The following FXN variants were observed in gnomAD, a reference collection of about 807,000 sequenced individuals.
FXN encodes frataxin, also known as frataxin, mitochondrial.
A neutral mutation model predicts 22.4 loss-of-function variants in FXN; 14 were observed. The observed-to-expected ratio is 0.62, with a 90% CI of 0.41 to 0.98. FXN has a LOEUF of 0.98. Ranked by LOEUF, FXN falls within the 50% of genes least tolerant of loss-of-function variation. FXN has a pLI of 0.00. For synonymous variants in FXN, 120 were observed against 114.1 expected (o/e 1.05, Z -0.33); for missense variants, 267 against 268.4 (o/e 0.99, Z 0.04).
intron 2 of FXN, among the ~76,000 whole-genome samples, chr9:69,047,695 A>G (rs2133104062): frequency 6.6e-6 from 1 of 152,044 alleles, no homozygotes; most frequent in Non-Finnish European, 1.5e-5. Context: ...CAGCTATTTT[A>G]GGCCAGACTC....
At chr9:69,062,497 CA>C (rs1045361847) in intron 3 of FXN, among the ~76,000 whole-genome samples, 3 of 152,082 alleles carry the variant, frequency 2.0e-5, no homozygotes, top group African/African-American at 7.2e-5. Context: ...TTTTTTTAAA[CA>C]AACTTACGTA....
Position 69,035,842 on chromosome 9 carries a change from G to C in FXN, c.60G>C (p.Gln20His). 1 of 1,507,264 alleles carries C rather than the reference G, an allele frequency of 6.6e-7. No homozygotes were observed. 93.4% of individuals were successfully genotyped at this position (1,507,264 alleles called of 1,614,324 possible). A position where few individuals can be genotyped will look rare whatever the true frequency, so the allele number is the denominator to read the frequency against. Reference protein sequence around the residue: ...AGLLASPSPAQAQTLTRVPRP... With the variant: ...AGLLASPSPAHAQTLTRVPRP... ...TCCTGGCGTCACCCAGCCCAGCCCAGGCCCAGACCCTCACCCGGGTCCCGC... is the reference window on the plus strand; with the variant it reads ...TCCTGGCGTCACCCAGCCCAGCCCACGCCCAGACCCTCACCCGGGTCCCGC... Residue 20 changes from glutamine (Q) to histidine (H), a missense_variant, in exon 1 of 5, where the codon CAG becomes CAC. Physicochemically the swap from Gln to His is conservative, Grantham distance 24. Coordinates refer to ENST00000484259, the MANE Select transcript of FXN (RefSeq NM_000144.5).
In FXN at chr9:69,074,351, T is replaced by C. The variant is rs1439515303; in HGVS notation, c.*1589T>C. On this transcript the variant is annotated 3_prime_UTR_variant, in exon 5 of 5. Coordinates refer to ENST00000484259, the MANE Select transcript of FXN (RefSeq NM_000144.5). Reference sequence around the variant, plus strand: ...AATTCATGCAAAGTTATGCTCATGTTATATTATTTTCTTACTTAAAGAAGG... The same window carrying C: ...AATTCATGCAAAGTTATGCTCATGTCATATTATTTTCTTACTTAAAGAAGG... 2.0e-5 allele frequency: 20 copies of C among 985,328 alleles called. No individual in the cohort carries two copies. The highest frequency in any genetic ancestry group is 2.4e-5 in the Non-Finnish European group (20 of 829,902). The allele number at this position is 985,328 out of a possible 1,614,324, so 61.0% of individuals were successfully genotyped here. A position where few individuals can be genotyped will look rare whatever the true frequency, so the allele number is the denominator to read the frequency against.
chr9:69,075,652 G>A lies in FXN; in HGVS notation c.*2890G>A. The stretch of plus-strand genomic sequence containing the variant: ...CATCCATGTGAAGGATGAGTTTCCA[G>A]GAAAAGGTTATTAAATATTCACTGT... On this transcript the variant is annotated 3_prime_UTR_variant, in exon 5 of 5. Transcript: ENST00000484259. 1.0e-6 allele frequency: 1 copy of A among 985,308 alleles called. No individual in the cohort carries two copies. Among genetic ancestry groups the A allele is most frequent in the Non-Finnish European group, 1.2e-6 (1 of 829,882 alleles). 61.0% of individuals were successfully genotyped at this position (985,308 alleles called of 1,614,324 possible).
chr9:69,069,704 G>A (rs779523762), intron 4 of FXN, among the ~76,000 whole-genome samples: 1 of 152,242 alleles, frequency 6.6e-6, no homozygotes, highest in Non-Finnish European at 1.5e-5. Context: ...TGGAGACGGA[G>A]CTCCTGAGGC....
intron 2 of FXN, among the ~76,000 whole-genome samples, chr9:69,048,332 C>T (rs1831795889): frequency 6.6e-6 from 1 of 152,152 alleles, no homozygotes; most frequent in Non-Finnish European, 1.5e-5. Context: ...TGGCTGAGTG[C>T]GGTGGCTCAC....
At chr9:69,058,423 C>T (rs1388935906) in intron 3 of FXN, among the ~76,000 whole-genome samples, 1 of 152,052 alleles carries the variant, frequency 6.6e-6, no homozygotes, top group Non-Finnish European at 1.5e-5. Flanking sequence ...GGAGTCCTGG[C>T]ATCTTAGATA....
Position 69,078,896 on chromosome 9 carries a change from G to A in FXN, c.*6134G>A. On this transcript the variant is annotated 3_prime_UTR_variant, in exon 5 of 5. Coordinates refer to ENST00000484259, the MANE Select transcript of FXN (RefSeq NM_000144.5). Reference sequence around the variant, plus strand: ...CTTTCCCAGCACTGACCTACCATGTGTCACCCCTGCTTGGCTGTACCTTCC... The same window carrying A: ...CTTTCCCAGCACTGACCTACCATGTATCACCCCTGCTTGGCTGTACCTTCC... 1.0e-6 allele frequency: 1 copy of A among 985,376 alleles called. No homozygotes were observed. Among genetic ancestry groups the A allele is most frequent in the Non-Finnish European group, 1.2e-6 (1 of 829,938 alleles). 61.0% of individuals were successfully genotyped at this position (985,376 alleles called of 1,614,324 possible).
At chr9:69,067,410 C>T (rs1252948339) in intron 4 of FXN, among the ~76,000 whole-genome samples, 1 of 152,258 alleles carries the variant, frequency 6.6e-6, no homozygotes, top group African/African-American at 2.4e-5. Context: ...TGTTTTTATA[C>T]CTGTGGCAAA....
intron 3 of FXN, among the ~76,000 whole-genome samples, chr9:69,059,825 A>G (rs1052470668): frequency 6.6e-6 from 1 of 152,162 alleles, no homozygotes; most frequent in Non-Finnish European, 1.5e-5. Context: ...CAGTTTCCTC[A>G]GCTATGAGAT....
At chr9:69,072,206 A>G (rs1386364253) in intron 4 of FXN, among the ~76,000 whole-genome samples, 1 of 152,234 alleles carries the variant, frequency 6.6e-6, no homozygotes, top group Non-Finnish European at 1.5e-5. Flanking sequence ...TAAATGGTTA[A>G]TGTGTTATGT....
chr9:69,071,349 G>A (rs1027257424), intron 4 of FXN: 8 of 513,440 alleles, frequency 1.6e-5, no homozygotes, highest in African/African-American at 1.4e-4. Context: ...TACTTTTATT[G>A]CCCAAGCTTC....
chr9:69,053,314 A>C (rs924506675), intron 3 of FXN, 54 bp downstream of exon 3: 78 of 1,590,648 alleles, frequency 4.9e-5, no homozygotes, highest in African/African-American at 4.0e-5. Context: ...ATTTTAGTTC[A>C]CTAAAATGAA....
Position 69,037,359 on chromosome 9 carries a change from C to T in FXN, c.165+1412C>T, listed in dbSNP as rs147292851. On this transcript the variant is annotated intron_variant, in intron 1 of 4. Transcript: ENST00000484259. ...CGCGCGCCTGTAATCCCAGCTACTCCAGAGGCTGCGGCAGGAGAATCGCTT... is the reference window on the plus strand; with the variant it reads ...CGCGCGCCTGTAATCCCAGCTACTCTAGAGGCTGCGGCAGGAGAATCGCTT... Among the ~76,000 whole-genome samples, 1,043 of 151,456 alleles carry T rather than the reference C, an allele frequency of 6.9e-3. 8 individuals carry two copies. The highest frequency in any genetic ancestry group is 0.024 in the African/African-American group (995 of 41,340).
At chr9:69,040,091 C>G (rs773384438) in intron 1 of FXN, among the ~76,000 whole-genome samples, 1 of 152,150 alleles carries the variant, frequency 6.6e-6, no homozygotes, top group African/African-American at 2.4e-5. Flanking sequence ...ACTGCCACAT[C>G]GGGAATTAAG....
chr9:69,070,207 T>G (rs1399608207), intron 4 of FXN, among the ~76,000 whole-genome samples: 2 of 146,934 alleles, frequency 1.4e-5, no homozygotes, highest in African/African-American at 5.1e-5. Context: ...CCAGCCTGGG[T>G]GACACAGTGA....
At chr9:69,069,567 G>T (rs543076270) in intron 4 of FXN, among the ~76,000 whole-genome samples, 54 of 152,336 alleles carry the variant, frequency 3.5e-4, no homozygotes, top group African/African-American at 1.1e-3. Flanking sequence ...TGGGGACTTG[G>T]CAGTGGAGGG....
At chr9:69,046,341 A>G (rs776958080) in intron 1 of FXN, 44 bp from the exon 2 acceptor site, 6 of 1,430,922 alleles carry the variant, frequency 4.2e-6, no homozygotes, top group Non-Finnish European at 5.9e-6. Context: ...ATGGGTTATA[A>G]TTCACTGAAA....
At chr9:69,064,293 T>C (rs1022451274) in intron 3 of FXN, among the ~76,000 whole-genome samples, 2 of 152,240 alleles carry the variant, frequency 1.3e-5, no homozygotes, top group Non-Finnish European at 2.9e-5. Context: ...ACTAGTCTTT[T>C]GAAGAATTCA....
Sources: allele counts gnomAD v4.1 joint callset (sites outside exome capture counted in the v4.1 genomes callset), GRCh38; gene constraint gnomAD v4.1.1; transcripts MANE v1.5; gene names NCBI Gene and HGNC (gene_info 2026-07-23, HGNC 2026-07-21).